SMARCA4: variants seen among roughly 807,000 people sequenced by gnomAD.
SMARCA4 encodes SWI/SNF-related matrix-associated actin-dependent regulator of chromatin subfamily A member 4.
SMARCA4 carries 31 observed loss-of-function variants against 193.9 expected under a neutral mutation model. The ratio of observed to expected loss-of-function variants is 0.16; its 90% CI spans 0.12 to 0.22. SMARCA4 has a LOEUF of 0.22. Among genes scored for constraint, SMARCA4 ranks in the 10% least tolerant of loss-of-function variants. The pLI, the probability that SMARCA4 is intolerant of heterozygous loss-of-function variation, is 1.00. For synonymous variants in SMARCA4, 942 were observed against 933.1 expected, an observed-to-expected ratio of 1.01 and a Z score of -0.17; for missense variants, 1,148 against 2,296.0, an observed-to-expected ratio of 0.50 and a Z score of 10.22.
At chr19:11,057,330 G>C (rs1175512942) in intron 30 of SMARCA4, among the ~76,000 whole-genome samples, 1 of 152,322 alleles carries the variant, frequency 6.6e-6, no homozygotes, top group East Asian at 1.9e-4. Flanking sequence ...CGCTGTGCAC[G>C]AGGCCTGGCA....
intron 6 of SMARCA4, 53 bp from the exon 7 acceptor site, chr19:10,989,264 C>T (rs1310657770): frequency 6.2e-7 from 1 of 1,610,704 alleles, no homozygotes; most frequent in Non-Finnish European, 8.5e-7. Flanking sequence ...CCAGCTGTAA[C>T]TGGGTGCCCT....
At chr19:10,990,902 G>GT (rs1248468190) in intron 7 of SMARCA4, among the ~76,000 whole-genome samples, 1 of 152,238 alleles carries the variant, frequency 6.6e-6, no homozygotes, top group Non-Finnish European at 1.5e-5. Flanking sequence ...CGTGTGTGTG[G>GT]TAGAGGGGAG....
intron 11 of SMARCA4, among the ~76,000 whole-genome samples, chr19:11,001,008 G>C (rs2087582349): frequency 1.3e-5 from 2 of 152,058 alleles, no homozygotes; most frequent in African/African-American, 4.8e-5. Context: ...TCGGACAGTG[G>C]TACTCAGCCT....
Position 11,047,157 on chromosome 19 carries a change from C to T in SMARCA4, c.4424+5597C>T, listed in dbSNP as rs143583242. On this transcript the variant is annotated intron_variant, in intron 30 of 34. Coordinates refer to ENST00000344626, the MANE Select transcript of SMARCA4 (RefSeq NM_003072.5). ...CAAGTGCCGTCATTCTCTAGGACCC[C>T]GAGAGCCCTAGCGGTTGTTACGCTT... Among the ~76,000 whole-genome samples the T allele has an allele frequency of 5.1e-4, 78 of 152,184 alleles. 1 individual carries two copies. Among genetic ancestry groups the T allele is most frequent in the South Asian group, 4.4e-3 (21 of 4,812 alleles).
intron 14 of SMARCA4, among the ~76,000 whole-genome samples, chr19:11,009,835 C>T (rs1389117843): frequency 2.0e-5 from 3 of 151,556 alleles, no homozygotes; most frequent in Non-Finnish European, 1.5e-5. Flanking sequence ...ACTACAGGCG[C>T]CTGCCACCAC....
At chr19:11,020,155 A>G (rs1600263046) in intron 18 of SMARCA4, among the ~76,000 whole-genome samples, 1 of 152,166 alleles carries the variant, frequency 6.6e-6, no homozygotes, top group Non-Finnish European at 1.5e-5. Flanking sequence ...AAATACCATG[A>G]CTGCCTGCTG....
rs1568568988 is a variant in SMARCA4 at position 11,061,207 on chromosome 19, ATATATATATATATATAT to A, written c.4912-576_4912-560del. ...TGTCTTTAAAAAAAAAAAAAAAAATATATATATATATATATATATATATATATATATATATGAAAGAG... is the reference window on the plus strand; with the variant it reads ...TGTCTTTAAAAAAAAAAAAAAAAATAATATATATATATATATATGAAAGAG... On this transcript the variant is annotated intron_variant, in intron 34 of 34. Transcript: ENST00000344626. Among the ~76,000 whole-genome samples the A allele has an allele frequency of 5.4e-3, 205 of 37,898 alleles. 7 individuals carry two copies. Among genetic ancestry groups the A allele is most frequent in the African/African-American group, 0.025 (200 of 8,076 alleles). 24.9% of individuals were successfully genotyped at this position (37,898 alleles called of 152,430 possible).
intron 13 of SMARCA4, among the ~76,000 whole-genome samples, chr19:11,006,751 A>G (rs2088244789): frequency 1.3e-5 from 2 of 152,204 alleles, no homozygotes; most frequent in South Asian, 4.2e-4. Flanking sequence ...GTCTACTTCT[A>G]ATTAGTAATG....
intron 1 of SMARCA4, among the ~76,000 whole-genome samples, chr19:10,975,127 G>A (rs1371121440): frequency 1.5e-5 from 2 of 135,030 alleles, no homozygotes; most frequent in South Asian, 2.3e-4. Context: ...AGTGATTATC[G>A]TGCCTCAGCC....
At chr19:10,969,698 G>C (rs2084525879) in intron 1 of SMARCA4, among the ~76,000 whole-genome samples, 1 of 152,140 alleles carries the variant, frequency 6.6e-6, no homozygotes, top group Non-Finnish European at 1.5e-5. Context: ...CCGAAGTGCT[G>C]GGATTACAGG....
intron 6 of SMARCA4, among the ~76,000 whole-genome samples, chr19:10,988,143 G>T (rs1019455510): frequency 6.7e-6 from 1 of 150,074 alleles, no homozygotes; most frequent in Non-Finnish European, 1.5e-5. Context: ...TTTTTGAGAC[G>T]GAGTTTCACT....
intron 30 of SMARCA4, among the ~76,000 whole-genome samples, chr19:11,045,170 A>G (rs2075828023): frequency 6.6e-6 from 1 of 152,152 alleles, no homozygotes; most frequent in African/African-American, 2.4e-5. Context: ...AATACAAAAA[A>G]TTAGCCGGGT....
chr19:10,996,808 G>T (rs769253783), intron 11 of SMARCA4, among the ~76,000 whole-genome samples: 1 of 152,140 alleles, frequency 6.6e-6, no homozygotes, highest in Non-Finnish European at 1.5e-5. Context: ...CAGGAGAGGT[G>T]CAAGAACCGT....
chr19:10,967,813 T>G (rs2084351389), intron 1 of SMARCA4, among the ~76,000 whole-genome samples: 1 of 151,114 alleles, frequency 6.6e-6, no homozygotes, highest in Non-Finnish European at 1.5e-5. Flanking sequence ...GCCTCCTGAG[T>G]AGCTGGGATT....
rs182859739 is a variant in SMARCA4 at position 11,058,605 on chromosome 19, T to C, written c.4534-183T>C. ...GTGTTCCTTCAAGGTCCCACTCACT[T>C]AGTGCTGGGCCTCAGTCATGCAGTT... On this transcript the variant is annotated intron_variant, in intron 31 of 34. Coordinates refer to ENST00000344626, the MANE Select transcript of SMARCA4 (RefSeq NM_003072.5). The surrounding 1 kb of genome is among the most constrained non-coding windows in gnomAD (Gnocchi z 5.8). Among the ~76,000 whole-genome samples the C allele has an allele frequency of 2.0e-5, 3 of 151,718 alleles. No individual in the cohort carries two copies. The highest frequency in any genetic ancestry group is 7.3e-5 in the African/African-American group (3 of 41,126).
In SMARCA4 at chr19:11,033,565, G is replaced by A. The variant is rs1348121134; in HGVS notation, c.3774+48G>A. On this transcript the variant is annotated intron_variant, in intron 26 of 34. Coordinates refer to ENST00000344626, the MANE Select transcript of SMARCA4 (RefSeq NM_003072.5). This position sits in a 1 kb window ranked among gnomAD's most constrained non-coding sequence, Gnocchi z 9.8. The stretch of plus-strand genomic sequence containing the variant: ...CCCCTCCCCAGCGTGAATGGTGGAC[G>A]CGTGAGCGGCTTTCATTTTTGTTTT... 4.9e-6 allele frequency: 7 copies of A among 1,433,182 alleles called. No homozygotes were observed. The highest frequency in any genetic ancestry group is 2.3e-5 in the East Asian group (1 of 44,066). 88.8% of individuals were successfully genotyped at this position (1,433,182 alleles called of 1,614,324 possible).
intron 13 of SMARCA4, among the ~76,000 whole-genome samples, chr19:11,006,642 T>C (rs180904799): frequency 5.1e-4 from 78 of 152,056 alleles, no homozygotes; most frequent in Non-Finnish European, 8.1e-4. Flanking sequence ...ATTTAATACC[T>C]AGGAAATCCA....
intron 1 of SMARCA4, chr19:10,961,763 A>G (rs1308671686): frequency 2.6e-5 from 4 of 152,172 alleles, no homozygotes; most frequent in African/African-American, 9.7e-5. Flanking sequence ...GCAGTTAGTG[A>G]CTTCAAAATG....
At position 11,058,401 on chromosome 19, in the gene SMARCA4, G is replaced by A. The variant is rs367877358; in HGVS notation, c.4533+38G>A. On this transcript the variant is annotated intron_variant, in intron 31 of 34. Coordinates refer to ENST00000344626, the MANE Select transcript of SMARCA4 (RefSeq NM_003072.5). This position sits in a 1 kb window ranked among gnomAD's most constrained non-coding sequence, Gnocchi z 5.8. Reference sequence around the variant, plus strand: ...TTGTACCTGCGCCCCGCATGTGCCCGGAGGGGAGTCTGACCCAGGGGCACC... The same window carrying A: ...TTGTACCTGCGCCCCGCATGTGCCCAGAGGGGAGTCTGACCCAGGGGCACC... The A allele has an allele frequency of 1.5e-5, 21 of 1,427,386 alleles. No individual in the cohort carries two copies. Among genetic ancestry groups the A allele is most frequent in the Admixed American group, 8.4e-5 (5 of 59,268 alleles). The allele number at this position is 1,427,386 out of a possible 1,614,324, so 88.4% of individuals were successfully genotyped here. A position where few individuals can be genotyped will look rare whatever the true frequency, so the allele number is the denominator to read the frequency against.
Sources: gnomAD v4.1 joint callset for allele counts (sites outside exome capture counted in the v4.1 genomes callset) on GRCh38, gnomAD v4.1.1 for gene constraint, Gnocchi (gnomAD v3.1) non-coding constraint, MANE v1.5 for transcripts, NCBI Gene and HGNC (gene_info 2026-07-23, HGNC 2026-07-21) for gene names.